Variants in ERBB4 observed in about 807,000 individuals in gnomAD.
The protein encoded by ERBB4 is erb-b2 receptor tyrosine kinase 4, also known as receptor tyrosine-protein kinase erbB-4.
In ERBB4, 42 loss-of-function variants were observed where a neutral mutation model predicts 158.0. The ratio of observed to expected loss-of-function variants is 0.27; its 90% CI spans 0.21 to 0.34. The LOEUF (loss-of-function observed/expected upper bound fraction) is 0.34. ERBB4 is among the 10% of genes least tolerant of loss of function. ERBB4 has a pLI of 1.00. For missense variants in ERBB4, 1,333 were observed against 1,624.1 expected, an observed-to-expected ratio of 0.82 and a Z score of 3.08; for synonymous variants, 583 against 558.7, an observed-to-expected ratio of 1.04 and a Z score of -0.61.
chr2:212,144,907 A>G (rs2080613779), intron 1 of ERBB4, among the ~76,000 whole-genome samples: 5 of 152,158 alleles, frequency 3.3e-5, no homozygotes, highest in Admixed American at 3.3e-4. Context: ...TTAAAACCAG[A>G]ATTTTAAAAA....
chr2:211,682,050 T>TCACACACACACACA (rs60803024), intron 12 of ERBB4, among the ~76,000 whole-genome samples: 43 of 134,488 alleles, frequency 3.2e-4, no homozygotes, highest in African/African-American at 6.9e-4. Context: ...TTTATACACA[T>TCACACACACACACA]CACACACACA....
chr2:212,095,324 T>C (rs2078897347), intron 2 of ERBB4, among the ~76,000 whole-genome samples: 1 of 152,344 alleles, frequency 6.6e-6, no homozygotes, highest in East Asian at 1.9e-4. Context: ...TGATTTGCTA[T>C]ATGCCAAGCT....
chr2:212,016,329 G>A (rs538585953), intron 2 of ERBB4, among the ~76,000 whole-genome samples: 2 of 151,826 alleles, frequency 1.3e-5, no homozygotes, highest in Non-Finnish European at 2.9e-5. Context: ...TGAAACCCAG[G>A]TAAATCAACT....
chr2:212,530,354 G>T (rs1300194296), intron 1 of ERBB4, among the ~76,000 whole-genome samples: 1 of 152,088 alleles, frequency 6.6e-6, no homozygotes, highest in East Asian at 1.9e-4. Flanking sequence ...GTGTATAAAA[G>T]AAATATTATC....
intron 2 of ERBB4, among the ~76,000 whole-genome samples, chr2:212,095,545 C>T (rs1034032658): frequency 6.6e-6 from 1 of 152,110 alleles, no homozygotes; most frequent in Non-Finnish European, 1.5e-5. Flanking sequence ...AATCAAAGAA[C>T]AGAGAAAAAG....
chr2:211,506,347 G>A (rs1422233951), intron 20 of ERBB4, among the ~76,000 whole-genome samples: 1 of 152,046 alleles, frequency 6.6e-6, no homozygotes, highest in East Asian at 1.9e-4. Context: ...CACTGGACAG[G>A]TCATGGAGGC....
intron 1 of ERBB4, among the ~76,000 whole-genome samples, chr2:212,319,773 C>G (rs1201414184): frequency 1.3e-5 from 2 of 150,302 alleles, no homozygotes; most frequent in African/African-American, 4.9e-5. Flanking sequence ...AGTTAGTAAG[C>G]AATTAGAATG....
chr2:211,986,331 T>G (rs1364547808), intron 2 of ERBB4, among the ~76,000 whole-genome samples: 1 of 152,174 alleles, frequency 6.6e-6, no homozygotes, highest in African/African-American at 2.4e-5. Context: ...GAATATACTA[T>G]CCAATCATTT....
chr2:211,449,311 C>G (rs1380782896), intron 20 of ERBB4, among the ~76,000 whole-genome samples: 1 of 152,128 alleles, frequency 6.6e-6, no homozygotes, highest in Non-Finnish European at 1.5e-5. Context: ...AATAGTTTAA[C>G]TGTTTTGTAA....
chr2:211,671,904 G>T (rs1263313607), intron 14 of ERBB4, among the ~76,000 whole-genome samples: 2 of 152,090 alleles, frequency 1.3e-5, no homozygotes, highest in Admixed American at 6.6e-5. Context: ...CCATAATGGA[G>T]AAAGAAAATA....
chr2:211,868,631 C>T (rs547958946), intron 3 of ERBB4, among the ~76,000 whole-genome samples: 17 of 152,182 alleles, frequency 1.1e-4, no homozygotes, highest in Non-Finnish European at 2.5e-4. Flanking sequence ...TCTAGCTCAA[C>T]TGTTGGGTTG....
chr2:211,536,869 CCT>C (rs1465108297), intron 20 of ERBB4, among the ~76,000 whole-genome samples: 1 of 151,544 alleles, frequency 6.6e-6, no homozygotes, highest in African/African-American at 2.4e-5. Context: ...CGTCCATCAC[CCT>C]CTCTCTCTCC....
chr2:212,113,326 G>A (rs565556365), intron 2 of ERBB4, among the ~76,000 whole-genome samples: 235 of 151,970 alleles, frequency 1.5e-3, no homozygotes, highest in Non-Finnish European at 2.5e-3. Context: ...CTGTAATCCC[G>A]GCACTTTGAG....
chr2:211,693,429 CTCTTTA>C (rs1286663461), intron 12 of ERBB4, among the ~76,000 whole-genome samples: 3 of 152,012 alleles, frequency 2.0e-5, no homozygotes, highest in Non-Finnish European at 2.9e-5. Context: ...TTAGAGTTAG[CTCTTTA>C]TCTTTTTCTC....
chr2:211,734,717 G>A (rs2074545634), intron 5 of ERBB4, among the ~76,000 whole-genome samples: 2 of 149,612 alleles, frequency 1.3e-5, no homozygotes, highest in East Asian at 2.0e-4. Flanking sequence ...TCAGGAGATC[G>A]AGACCATCCT....
chr2:211,525,579 G>C (rs2066324094), intron 20 of ERBB4, among the ~76,000 whole-genome samples: 1 of 152,150 alleles, frequency 6.6e-6, no homozygotes, highest in Non-Finnish European at 1.5e-5. Flanking sequence ...ATGAGACTCT[G>C]AGATGTGCTG....
chr2:212,284,177 T>A (rs2085868605), intron 1 of ERBB4, among the ~76,000 whole-genome samples: 1 of 152,134 alleles, frequency 6.6e-6, no homozygotes, highest in Admixed American at 6.6e-5. Flanking sequence ...TATAAGTTTT[T>A]CTCATGGGAG....
chr2:211,420,097 A>G (rs1176319804), intron 25 of ERBB4, among the ~76,000 whole-genome samples: 2 of 152,056 alleles, frequency 1.3e-5, no homozygotes, highest in African/African-American at 4.8e-5. Context: ...TAGAAAGCCT[A>G]CTTGGTAGGA....
At chr2:212,506,750 G>T (rs561999928) in intron 1 of ERBB4, among the ~76,000 whole-genome samples, 12 of 152,306 alleles carry the variant, frequency 7.9e-5, no homozygotes, top group African/African-American at 2.9e-4. Context: ...TTTAAGGATA[G>T]AAGCTGGTTC....
Sources: gnomAD v4.1 joint callset for allele counts (sites outside exome capture counted in the v4.1 genomes callset) on GRCh38, gnomAD v4.1.1 for gene constraint, MANE v1.5 for transcripts, NCBI Gene and HGNC (gene_info 2026-07-23, HGNC 2026-07-21) for gene names.